Variants in ARHGAP31 observed in about 807,000 individuals in gnomAD.
The protein encoded by ARHGAP31 is Rho GTPase activating protein 31.
In ARHGAP31, 34 loss-of-function variants were observed where a neutral mutation model predicts 113.9. The ratio of observed to expected loss-of-function variants is 0.30; its 90% CI spans 0.23 to 0.40. ARHGAP31 has a LOEUF of 0.40. Ranked by LOEUF, ARHGAP31 falls within the 10% of genes least tolerant of loss-of-function variation. The probability of loss-of-function intolerance (pLI) is 1.00; values close to 1 mark genes in which losing one functional copy is unlikely to be tolerated. For missense variants in ARHGAP31, 1,548 were observed against 1,767.1 expected (o/e 0.88, Z 2.22); for synonymous variants, 650 against 684.8 (o/e 0.95, Z 0.79).
chr3:119,312,934 C>T lies in ARHGAP31; in HGVS notation c.100+17930C>T, dbSNP rs73854475. 1.7e-3 allele frequency among the ~76,000 whole-genome samples: 253 copies of T among 152,256 alleles called. 3 individuals are homozygous for T. The highest frequency in any genetic ancestry group is 5.9e-3 in the African/African-American group (243 of 41,524). ...TTTCTCTGTGTGTTTACTAAAAATT[C>T]GCATGGAGATTGATATTCTTTGTTC... On this transcript the variant is annotated intron_variant, in intron 1 of 11. Transcript: ENST00000264245.
intron 1 of ARHGAP31, among the ~76,000 whole-genome samples, chr3:119,323,014 C>A (rs2079806548): frequency 6.6e-6 from 1 of 152,166 alleles, no homozygotes; most frequent in South Asian, 2.1e-4. Flanking sequence ...GCCCGCCCGG[C>A]GCTTCAGCTT....
At chr3:119,362,205 G>A (rs1303707564) in intron 1 of ARHGAP31, among the ~76,000 whole-genome samples, 1 of 152,148 alleles carries the variant, frequency 6.6e-6, no homozygotes, top group Non-Finnish European at 1.5e-5. Flanking sequence ...TTGTGCTTGA[G>A]TCCTCCTTGT....
rs1287759368 is a variant in ARHGAP31 at position 119,401,937 on chromosome 3, G to T, written c.1185G>T (p.Glu395Asp). Residue 395 changes from glutamate to aspartate, a missense_variant, in exon 10 of 12, where the codon GAG becomes GAT. Physicochemically the swap from Glu to Asp is conservative, Grantham distance 45. Transcript: ENST00000264245. The stretch of plus-strand genomic sequence containing the variant: ...GCTCATGTGACCTCACCAAGCAGGA[G>T]GGCGAATGGGGCCAGGAGGGGATGC... ...TGSSCDLTKQ[E>D]GEWGQEGMPP... The T allele has an allele frequency of 6.2e-7, 1 of 1,614,134 alleles. No homozygotes were observed.
chr3:119,294,582 C>T lies in ARHGAP31; in HGVS notation c.-323C>T, dbSNP rs2079515235. 2 of 512,330 alleles carry T rather than the reference C, an allele frequency of 3.9e-6. No individual in the cohort carries two copies. The highest frequency in any genetic ancestry group is 7.9e-5 in the Admixed American group (2 of 25,366). 31.7% of individuals were successfully genotyped at this position (512,330 alleles called of 1,614,324 possible). On this transcript the variant is annotated 5_prime_UTR_variant, in exon 1 of 12. Coordinates refer to ENST00000264245, the MANE Select transcript of ARHGAP31 (RefSeq NM_020754.4). ...CCCTCCCTCTTAAGCTGAGGAGAAA[C>T]ACCCGAAGACACCGCAGGAGCCTGT...
chr3:119,357,691 T>G (rs1241844290), intron 1 of ARHGAP31, among the ~76,000 whole-genome samples: 1 of 152,224 alleles, frequency 6.6e-6, no homozygotes, highest in Non-Finnish European at 1.5e-5. Context: ...ACTCTTTTTT[T>G]CCTCTTTTTC....
intron 3 of ARHGAP31, among the ~76,000 whole-genome samples, chr3:119,375,282 A>G (rs2080336741): frequency 6.6e-6 from 1 of 152,194 alleles, no homozygotes; most frequent in Admixed American, 6.5e-5. Context: ...TGCTCTCTCC[A>G]GAGGCTCTAG....
intron 1 of ARHGAP31, among the ~76,000 whole-genome samples, chr3:119,323,471 C>T (rs2079811867): frequency 6.6e-6 from 1 of 152,194 alleles, no homozygotes; most frequent in African/African-American, 2.4e-5. Context: ...CTTTGCGTTT[C>T]TTTCCTTTTT....
intron 8 of ARHGAP31, among the ~76,000 whole-genome samples, chr3:119,396,429 T>C (rs887221690): frequency 1.3e-5 from 2 of 152,246 alleles, no homozygotes; most frequent in Non-Finnish European, 2.9e-5. Flanking sequence ...ATTCAAGAAC[T>C]GTCAGTGTCA....
chr3:119,383,079 G>T lies in ARHGAP31; in HGVS notation c.540-5G>T, dbSNP rs1183202197. On this transcript the variant is annotated splice_region_variant and splice_polypyrimidine_tract_variant and intron_variant, in intron 5 of 11. Transcript: ENST00000264245. ...CTAACTGAATATGTTTCTTCCACAC[G>T]GTAGGTCTAAAGAAATTGAAGCCAC... The T allele has an allele frequency of 6.2e-7, 1 of 1,614,068 alleles. No homozygotes were observed. The highest frequency in any genetic ancestry group is 2.2e-5 in the East Asian group (1 of 44,890).
intron 1 of ARHGAP31, among the ~76,000 whole-genome samples, chr3:119,311,784 A>G (rs2079685592): frequency 2.0e-5 from 3 of 152,218 alleles, no homozygotes; most frequent in Admixed American, 1.3e-4. Flanking sequence ...CAGGGTCACA[A>G]TCCCATATGA....
intron 1 of ARHGAP31, among the ~76,000 whole-genome samples, chr3:119,332,560 C>A (rs1354653776): frequency 6.6e-6 from 1 of 151,780 alleles, no homozygotes; most frequent in Non-Finnish European, 1.5e-5. Context: ...CAGATGTAGT[C>A]TCTCTGGAGC....
intron 3 of ARHGAP31, among the ~76,000 whole-genome samples, chr3:119,369,246 G>A (rs2080275866): frequency 6.6e-6 from 1 of 152,212 alleles, no homozygotes; most frequent in African/African-American, 2.4e-5. Flanking sequence ...TAGGCAGAGG[G>A]CTGGGTTTAA....
intron 8 of ARHGAP31, among the ~76,000 whole-genome samples, chr3:119,394,061 A>AT (rs1229940259): frequency 6.6e-6 from 1 of 152,224 alleles, no homozygotes; most frequent in Non-Finnish European, 1.5e-5. Context: ...GTTTAGTAGA[A>AT]TATACCTCAG....
intron 4 of ARHGAP31, among the ~76,000 whole-genome samples, chr3:119,381,615 C>G (rs1270918971): frequency 1.3e-5 from 2 of 152,136 alleles, no homozygotes; most frequent in Non-Finnish European, 2.9e-5. Flanking sequence ...TTTATTAAAA[C>G]GAGCCTAGAT....
intron 1 of ARHGAP31, among the ~76,000 whole-genome samples, chr3:119,360,876 G>A (rs1384677135): frequency 6.6e-6 from 1 of 152,196 alleles, no homozygotes; most frequent in African/African-American, 2.4e-5. Flanking sequence ...GTCATCAGCA[G>A]CAACTATGTG....
At chr3:119,401,405 T>A (rs919285478) in intron 9 of ARHGAP31, among the ~76,000 whole-genome samples, 1 of 152,124 alleles carries the variant, frequency 6.6e-6, no homozygotes, top group East Asian at 1.9e-4. Context: ...AAGACAAGAT[T>A]CTGTTTATTT....
chr3:119,409,574 G>T lies in ARHGAP31; in HGVS notation c.1724G>T (p.Gly575Val), dbSNP rs375507355. The change falls in exon 11 of 12, where the codon GGC (glycine) becomes GTC (valine). Residue 575 changes from glycine (G) to valine (V), a missense_variant. Coordinates refer to ENST00000264245, the MANE Select transcript of ARHGAP31 (RefSeq NM_020754.4). ...EAPGTVECSK[G>V]LSQEPGAHLE... is the part of the protein sequence containing the mutation. ...CCGGGGACAGTGGAATGCAGCAAAG[G>T]CCTGTCCCAGGAGCCAGGCGCCCAC... 1.9e-6 allele frequency: 3 copies of T among 1,614,200 alleles called. No homozygotes were observed. In the East Asian group the frequency reaches 6.7e-5, roughly 36 times the overall value.
At chr3:119,391,609 G>A (rs1287813056) in intron 7 of ARHGAP31, among the ~76,000 whole-genome samples, 5 of 31,686 alleles carry the variant, frequency 1.6e-4, no homozygotes, top group East Asian at 3.4e-3. Flanking sequence ...CCCCCCCGCC[G>A]TCACTCATAT....
intron 1 of ARHGAP31, among the ~76,000 whole-genome samples, chr3:119,333,272 A>C (rs1189805410): frequency 1.1e-4 from 16 of 152,172 alleles, no homozygotes; most frequent in African/African-American, 3.9e-4. Context: ...CTATGAACCT[A>C]TTATCTGTGT....
Sources: gnomAD v4.1 joint callset for allele counts (sites outside exome capture counted in the v4.1 genomes callset) on GRCh38, gnomAD v4.1.1 for gene constraint, MANE v1.5 for transcripts, NCBI Gene and HGNC (gene_info 2026-07-23, HGNC 2026-07-21) for gene names.